ATP5MC3: variants seen among roughly 807,000 people sequenced by gnomAD.
The protein encoded by ATP5MC3 is ATP synthase F(0) complex subunit C3, mitochondrial.
ATP5MC3 carries 6 observed loss-of-function variants against 15.6 expected under a neutral mutation model. That is an observed-to-expected ratio of 0.38 (90% CI 0.21 to 0.76). The LOEUF is 0.76. Among genes scored for constraint, ATP5MC3 ranks in the 30% least tolerant of loss-of-function variants. The pLI, the probability that ATP5MC3 is intolerant of heterozygous loss-of-function variation, is 0.44. For missense variants in ATP5MC3, 132 were observed against 171.2 expected (o/e 0.77, Z 1.28); for synonymous variants, 66 against 63.3 (o/e 1.04, Z -0.20).
In ATP5MC3 at chr2:175,176,294, G is replaced by A. The variant is rs61053606; in HGVS notation, c.*1994C>T. On this transcript the variant is annotated 3_prime_UTR_variant, in exon 5 of 5. Transcript: ENST00000284727. Reference sequence around the variant, plus strand: ...ACTGTTTTTATTTAAAATATACTTGGAATAGGTGAATATTAATCTAAGCAT... The same window carrying A: ...ACTGTTTTTATTTAAAATATACTTGAAATAGGTGAATATTAATCTAAGCAT... 9.3e-4 allele frequency: 141 copies of A among 152,138 alleles called. No homozygotes were observed. Among genetic ancestry groups the A allele is most frequent in the African/African-American group, 3.4e-3 (141 of 41,500 alleles). 9.4% of individuals were successfully genotyped at this position (152,138 alleles called of 1,614,324 possible).
chr2:175,181,233 G>C, intron 2 of ATP5MC3, 122 bp downstream of exon 2: 13 of 1,225,106 alleles, frequency 1.1e-5, no homozygotes, highest in Non-Finnish European at 1.5e-5. Context: ...TAATAGGTAA[G>C]GAGAAAGCCG....
Position 175,180,079 on chromosome 2 carries a change from C to A in ATP5MC3, c.120+19G>T. 1 of 1,564,786 alleles carries A rather than the reference C, an allele frequency of 6.4e-7. No homozygotes were observed. Among genetic ancestry groups the A allele is most frequent in the Non-Finnish European group, 8.6e-7 (1 of 1,158,040 alleles). On this transcript the variant is annotated intron_variant, in intron 3 of 4. Coordinates refer to ENST00000284727, the MANE Select transcript of ATP5MC3 (RefSeq NM_001689.5). ...CTTATTTGGTAGTGTTACCTAATTT[C>A]AATTATTGCTACTATTACCTCTCCA...
chr2:175,180,037 C>G, intron 3 of ATP5MC3, 61 bp downstream of exon 3: 1 of 1,356,232 alleles, frequency 7.4e-7, no homozygotes. Context: ...TTCCTTCACT[C>G]TAATCAAAAC....
chr2:175,181,364 G>A lies in ATP5MC3; in HGVS notation c.30C>T (p.Thr10=), dbSNP rs200580954. Residue 10 remains threonine, a synonymous_variant, in exon 2 of 5, where the codon ACC becomes ACT. Transcript: ENST00000284727. MFACAKLAC[T]PSLIRAGSRV... Reference sequence around the variant, plus strand: ...TGCCTGGGCTACGCACCAGAGAGGGGGTGCAGGCGAGCTTGGCGCAGGCGA... The same window carrying A: ...TGCCTGGGCTACGCACCAGAGAGGGAGTGCAGGCGAGCTTGGCGCAGGCGA... The A allele has an allele frequency of 2.3e-4, 373 of 1,613,824 alleles. 1 individual carries two copies. Among genetic ancestry groups the A allele is most frequent in the Middle Eastern group, 1.8e-3 (11 of 6,062 alleles).
intron 3 of ATP5MC3, 127 bp downstream of exon 3, chr2:175,179,971 T>G: frequency 1.3e-6 from 1 of 780,014 alleles, no homozygotes; most frequent in Non-Finnish European, 2.0e-6. Context: ...TCATCTAGTT[T>G]TTTGGATAAA....
intron 3 of ATP5MC3, 69 bp downstream of exon 3, chr2:175,180,029 C>G: frequency 2.2e-5 from 28 of 1,270,376 alleles, no homozygotes; most frequent in Non-Finnish European, 2.9e-5. Flanking sequence ...AAGTTTTTTT[C>G]CTTCACTCTA....
At chr2:175,179,498 TTTG>T (rs1029017437) in intron 3 of ATP5MC3, 17 of 462,958 alleles carry the variant, frequency 3.7e-5, no homozygotes, top group Admixed American at 3.1e-4. Context: ...GGTTTTTTGT[TTTG>T]TTTTTTCTTA....
chr2:175,179,470 T>A (rs1010981417), intron 3 of ATP5MC3, among the ~76,000 whole-genome samples: 1 of 152,174 alleles, frequency 6.6e-6, no homozygotes, highest in Admixed American at 6.5e-5. Flanking sequence ...TATATAAATA[T>A]GCTTTTAAAT....
chr2:175,178,997 AG>A (rs1700728246), intron 4 of ATP5MC3, 59 bp downstream of exon 4: 3 of 1,574,862 alleles, frequency 1.9e-6, no homozygotes, highest in Non-Finnish European at 2.6e-6. Flanking sequence ...TTATTTCAGT[AG>A]CTAAGTTTCC....
At position 175,181,355 on chromosome 2, in the gene ATP5MC3, C is replaced by G. The variant is rs747989377; in HGVS notation, c.39G>C (p.Leu13=). ...CCCCGACCCTGCCTGGGCTACGCACCAGAGAGGGGGTGCAGGCGAGCTTGG... is the reference window on the plus strand; with the variant it reads ...CCCCGACCCTGCCTGGGCTACGCACGAGAGAGGGGGTGCAGGCGAGCTTGG... ...ACAKLACTPS[L]IRAGSRVAYR... The change falls in exon 2 of 5, where the codon CTG becomes CTC. Residue 13 remains leucine, a splice_region_variant and synonymous_variant. Transcript: ENST00000284727. The G allele has an allele frequency of 6.2e-7, 1 of 1,613,682 alleles. No homozygotes were observed. The highest frequency in any genetic ancestry group is 1.1e-5 in the South Asian group (1 of 90,878).
chr2:175,180,256 T>A lies in ATP5MC3; in HGVS notation c.40-78A>T, dbSNP rs76731943. ...GACTTCAATGACTTTTCTGGTACCA[T>A]GAATTCTAAAAAAGCAAGCAGTAAA... is the stretch of plus-strand genomic sequence containing the variant. On this transcript the variant is annotated intron_variant, in intron 2 of 4. Transcript: ENST00000284727. 894 of 1,110,920 alleles carry A rather than the reference T, an allele frequency of 8.0e-4. 4 individuals carry two copies. In the African/African-American group the frequency reaches 8.3e-3, roughly 10 times the overall value. The allele number at this position is 1,110,920 out of a possible 1,614,324, so 68.8% of individuals were successfully genotyped here.
At position 175,181,296 on chromosome 2, in the gene ATP5MC3, G is replaced by A. The variant is rs994034815; in HGVS notation, c.39+59C>T. On this transcript the variant is annotated intron_variant, in intron 2 of 4. Transcript: ENST00000284727. ...GAAGGTTGCCCCATTCAACAACGTG[G>A]ACGCTCTAGGCCAAAACGCCCACCC... 3 of 1,579,502 alleles carry A rather than the reference G, an allele frequency of 1.9e-6. No individual in the cohort carries two copies. The African/African-American group carries it at 4.1e-5, about 21-fold the overall frequency.
At position 175,177,380 on chromosome 2, in the gene ATP5MC3, T is replaced by C. The variant is rs1407178859; in HGVS notation, c.*908A>G. ...CCTGAAACTTGGATGATAGATATTA[T>C]GGTACAATATATTTGCTAGGGGAAA... On this transcript the variant is annotated 3_prime_UTR_variant, in exon 5 of 5. Coordinates refer to ENST00000284727, the MANE Select transcript of ATP5MC3 (RefSeq NM_001689.5). The C allele has an allele frequency of 1.3e-5, 2 of 152,190 alleles. No homozygotes were observed. Among genetic ancestry groups the C allele is most frequent in the African/African-American group, 2.4e-5 (1 of 41,464 alleles). 9.4% of individuals were successfully genotyped at this position (152,190 alleles called of 1,614,324 possible). A position where few individuals can be genotyped will look rare whatever the true frequency, so the allele number is the denominator to read the frequency against.
Position 175,178,330 on chromosome 2 carries a change from G to C in ATP5MC3, c.387C>G (p.Leu129=), listed in dbSNP as rs1700718510. The change falls in exon 5 of 5, where the codon CTC becomes CTG. Residue 129 remains leucine, a synonymous_variant. Transcript: ENST00000284727. ...TCAAGAAAGCAACCATCAAACAAAA[G>C]AGACCCATAGCTTCAGACAAGGCAA... ...LGFALSEAMG[L]FCLMVAFLIL... is the part of the protein sequence containing the mutation. 1 of 1,612,132 alleles carries C rather than the reference G, an allele frequency of 6.2e-7. No homozygotes were observed.
Position 175,178,216 on chromosome 2 carries a change from C to T in ATP5MC3, c.*72G>A, listed in dbSNP as rs1210175692. 5.2e-6 allele frequency: 8 copies of T among 1,537,356 alleles called. No homozygotes were observed. Among genetic ancestry groups the T allele is most frequent in the African/African-American group, 4.2e-5 (3 of 71,276 alleles). On this transcript the variant is annotated 3_prime_UTR_variant, in exon 5 of 5. Transcript: ENST00000284727. The stretch of plus-strand genomic sequence containing the variant: ...CCCATGACACCAATACTACAGTTTT[C>T]GGAGTCACAGTAAGATACACAGAAT...
In ATP5MC3 at chr2:175,181,669, G is replaced by GGCGGCGGCACGGGCT; in HGVS notation, c.-102_-88dup. Reference sequence around the variant, plus strand: ...CCCTCCACTTACCTTCCCAGGAGGCGGCGGCGGCACGGGCTGCGGCAGAGG... The same window carrying GGCGGCGGCACGGGCT: ...CCCTCCACTTACCTTCCCAGGAGGCGGCGGCGGCACGGGCTGCGGCGGCACGGGCTGCGGCAGAGG... On this transcript the variant is annotated 5_prime_UTR_variant, in exon 1 of 5. Transcript: ENST00000284727. 8.3e-6 allele frequency: 4 copies of GGCGGCGGCACGGGCT among 482,030 alleles called. No homozygotes were observed. Among genetic ancestry groups the GGCGGCGGCACGGGCT allele is most frequent in the Non-Finnish European group, 1.5e-5 (4 of 273,214 alleles). 29.9% of individuals were successfully genotyped at this position (482,030 alleles called of 1,614,324 possible). A position where few individuals can be genotyped will look rare whatever the true frequency, so the allele number is the denominator to read the frequency against.
At chr2:175,179,326 A>C in intron 3 of ATP5MC3, 76 bp from the exon 4 acceptor site, 2 of 1,476,902 alleles carry the variant, frequency 1.4e-6, no homozygotes, top group South Asian at 2.9e-5. Flanking sequence ...CCATATTGTC[A>C]AAATGATAAC....
chr2:175,180,481 A>G (rs1309824751), intron 2 of ATP5MC3, among the ~76,000 whole-genome samples: 3 of 152,260 alleles, frequency 2.0e-5, no homozygotes, highest in African/African-American at 7.2e-5. Flanking sequence ...AGAAAAAAGC[A>G]ATAAATACCA....
In ATP5MC3 at chr2:175,181,437, G is replaced by C. The variant is rs1700770439; in HGVS notation, c.-44C>G. ...GCGCGGCTGGAGATATTGGGTGACA[G>C]GCGACGTGGGCTCCTCTCCCGCTTC... On this transcript the variant is annotated 5_prime_UTR_variant, in exon 2 of 5. Coordinates refer to ENST00000284727, the MANE Select transcript of ATP5MC3 (RefSeq NM_001689.5). 6.2e-7 allele frequency: 1 copy of C among 1,610,492 alleles called. No homozygotes were observed. Among genetic ancestry groups the C allele is most frequent in the Admixed American group, 1.7e-5 (1 of 59,626 alleles).
Sources: allele counts gnomAD v4.1 joint callset (sites outside exome capture counted in the v4.1 genomes callset), GRCh38; gene constraint gnomAD v4.1.1; transcripts MANE v1.5; gene names NCBI Gene and HGNC (gene_info 2026-07-23, HGNC 2026-07-21).